Variants in LDB2 observed in about 807,000 individuals in gnomAD.
The protein encoded by LDB2 is LIM domain binding 2, also known as LIM domain-binding protein 2.
In LDB2, 12 loss-of-function variants were observed where a neutral mutation model predicts 44.3. The observed-to-expected ratio is 0.27, with a 90% CI of 0.17 to 0.44. LDB2 has a LOEUF of 0.44. Ranked by LOEUF, LDB2 falls within the 20% of genes least tolerant of loss-of-function variation. The pLI, the probability that LDB2 is intolerant of heterozygous loss-of-function variation, is 1.00. For missense variants in LDB2, 344 were observed against 473.5 expected, an observed-to-expected ratio of 0.73 and a Z score of 2.54; for synonymous variants, 164 against 174.8, an observed-to-expected ratio of 0.94 and a Z score of 0.49.
At chr4:16,889,092 A>AACACACACAC (rs35916896) in intron 1 of LDB2, 2 of 149,280 alleles carry the variant, frequency 1.3e-5, no homozygotes, top group African/African-American at 4.9e-5. Context: ...CACACACATA[A>AACACACACAC]ACACACACAC....
intron 2 of LDB2, among the ~76,000 whole-genome samples, chr4:16,697,461 CA>C (rs536264550): frequency 2.7e-4 from 38 of 138,348 alleles, no homozygotes; most frequent in South Asian, 7.7e-4. Context: ...GACTCCGTCC[CA>C]AAAAAAAAAA....
intron 5 of LDB2, among the ~76,000 whole-genome samples, chr4:16,522,044 A>T (rs779041211): frequency 6.6e-6 from 1 of 152,176 alleles, no homozygotes; most frequent in African/African-American, 2.4e-5. Flanking sequence ...CAGTCTCCCC[A>T]TCGGCAAGAT....
intron 1 of LDB2, among the ~76,000 whole-genome samples, chr4:16,872,082 CTA>C (rs1716855310): frequency 1.3e-5 from 2 of 151,814 alleles, no homozygotes. Context: ...AAACTGTAAA[CTA>C]TATATCTTTC....
At chr4:16,696,504 C>G (rs1752164827) in intron 2 of LDB2, among the ~76,000 whole-genome samples, 1 of 152,056 alleles carries the variant, frequency 6.6e-6, no homozygotes, top group Non-Finnish European at 1.5e-5. Flanking sequence ...AGTTGTCTCT[C>G]CACAGCCTAA....
intron 1 of LDB2, among the ~76,000 whole-genome samples, chr4:16,855,473 C>G (rs1789175614): frequency 6.6e-6 from 1 of 152,110 alleles, no homozygotes; most frequent in South Asian, 2.1e-4. Flanking sequence ...TTGTTGCAAG[C>G]TCAACTAATG....
Position 16,768,753 on chromosome 4 carries a change from C to CAGTT in LDB2, c.133-9497_133-9494dup, listed in dbSNP as rs377623666. 1.6e-3 allele frequency among the ~76,000 whole-genome samples: 245 copies of CAGTT among 152,252 alleles called. 2 individuals are homozygous for CAGTT. Among genetic ancestry groups the CAGTT allele is most frequent in the African/African-American group, 5.7e-3 (238 of 41,542 alleles). On this transcript the variant is annotated intron_variant, in intron 1 of 7. Transcript: ENST00000304523. ...AGCCTCCCTTAATAATAATAGTCAA[C>CAGTT]AGTTACAAGGCACTTATTGTATGCC...
rs555367246 is a variant in LDB2, at chr4:16,836,062, T to G, written c.132+62292A>C. Among the ~76,000 whole-genome samples, 12 of 152,344 alleles carry G rather than the reference T, an allele frequency of 7.9e-5. No homozygotes were observed. The South Asian group carries it at 2.5e-3, about 32-fold the overall frequency. The stretch of plus-strand genomic sequence containing the variant: ...ACACAATAGAAATGCACAAACTGGT[T>G]GGCTTTAACACATCACTGTCTGTCC... On this transcript the variant is annotated intron_variant, in intron 1 of 7. Transcript: ENST00000304523.
At chr4:16,655,297 G>C (rs1578512833) in intron 2 of LDB2, among the ~76,000 whole-genome samples, 3 of 152,168 alleles carry the variant, frequency 2.0e-5, no homozygotes, top group African/African-American at 7.2e-5. Flanking sequence ...TCACAGACAT[G>C]AAGGGGTCTG....
chr4:16,723,511 T>C, intron 2 of LDB2, among the ~76,000 whole-genome samples: 1 of 152,168 alleles, frequency 6.6e-6, no homozygotes, highest in East Asian at 1.9e-4. Flanking sequence ...ATGGCTACAC[T>C]GGGAATTGAT....
chr4:16,503,107 C>T (rs1168380755), intron 7 of LDB2: 5 of 1,536,692 alleles, frequency 3.3e-6, no homozygotes, highest in Non-Finnish European at 4.4e-6. Context: ...CAGCCTGACA[C>T]TGGAGAACGA....
chr4:16,770,914 C>T (rs548705889), intron 1 of LDB2, among the ~76,000 whole-genome samples: 75 of 152,246 alleles, frequency 4.9e-4, no homozygotes, highest in African/African-American at 1.7e-3. Flanking sequence ...CATCGTATTA[C>T]ATCACACCAT....
chr4:16,850,068 A>G lies in LDB2; in HGVS notation c.132+48286T>C, dbSNP rs190632985. Among the ~76,000 whole-genome samples the G allele has an allele frequency of 2.5e-3, 380 of 152,254 alleles. 1 individual carries two copies. The highest frequency in any genetic ancestry group is 4.0e-3 in the Non-Finnish European group (270 of 68,010). On this transcript the variant is annotated intron_variant, in intron 1 of 7. Coordinates refer to ENST00000304523, the MANE Select transcript of LDB2 (RefSeq NM_001290.5). ...GTCAAAGAGGTGATATGCTATAAAC[A>G]TCTTTGGAGGGGAGGTGAATGCTGG... is the stretch of plus-strand genomic sequence containing the variant.
intron 5 of LDB2, among the ~76,000 whole-genome samples, chr4:16,571,609 G>T (rs369721317): frequency 2.6e-5 from 4 of 152,160 alleles, no homozygotes; most frequent in Non-Finnish European, 5.9e-5. Context: ...CCTTCTGCAT[G>T]AAGTTAGATG....
At chr4:16,826,655 C>CA (rs2110014054) in intron 1 of LDB2, 1 of 152,258 alleles carries the variant, frequency 6.6e-6, no homozygotes, top group South Asian at 2.1e-4. Context: ...GCGTTTCCAA[C>CA]AACTGCTAAA....
intron 2 of LDB2, among the ~76,000 whole-genome samples, chr4:16,676,530 G>A (rs776261162): frequency 2.8e-4 from 42 of 152,176 alleles, no homozygotes; most frequent in Non-Finnish European, 5.3e-4. Context: ...AGTGCTGTGG[G>A]GAATTACACA....
intron 5 of LDB2, among the ~76,000 whole-genome samples, chr4:16,540,455 T>C (rs1733388104): frequency 6.6e-6 from 1 of 152,216 alleles, no homozygotes; most frequent in African/African-American, 2.4e-5. Flanking sequence ...GCATCCTAAC[T>C]ACTATAGTTC....
intron 2 of LDB2, among the ~76,000 whole-genome samples, chr4:16,679,114 G>A (rs978627995): frequency 7.9e-5 from 12 of 152,218 alleles, no homozygotes; most frequent in Non-Finnish European, 1.6e-4. Flanking sequence ...TAATATAAAC[G>A]GTGCAAATGT....
At chr4:16,841,053 C>G (rs1407145625) in intron 1 of LDB2, among the ~76,000 whole-genome samples, 2 of 152,030 alleles carry the variant, frequency 1.3e-5, no homozygotes, top group Non-Finnish European at 2.9e-5. Context: ...AACTCATAAC[C>G]TGTGAAATTG....
intron 7 of LDB2, among the ~76,000 whole-genome samples, chr4:16,505,187 A>G (rs1321269531): frequency 1.3e-5 from 2 of 152,236 alleles, no homozygotes; most frequent in African/African-American, 4.8e-5. Context: ...TGGAGCCAAC[A>G]GGCTTGTAAT....
Sources: allele counts gnomAD v4.1 joint callset (sites outside exome capture counted in the v4.1 genomes callset), GRCh38; gene constraint gnomAD v4.1.1; transcripts MANE v1.5; gene names NCBI Gene and HGNC (gene_info 2026-07-23, HGNC 2026-07-21).